The following CALN1 variants were observed in gnomAD, a reference collection of about 807,000 sequenced individuals.
The protein encoded by CALN1 is calcium-binding protein 8.
Under a neutral mutation model 30.6 loss-of-function variants are expected in CALN1, and 17 were observed. That is an observed-to-expected ratio of 0.56 (90% CI 0.38 to 0.83). The LOEUF is 0.83. Ranked by LOEUF, CALN1 falls within the 40% of genes least tolerant of loss-of-function variation. The probability of loss-of-function intolerance (pLI) is 0.00; values close to 1 mark genes in which losing one functional copy is unlikely to be tolerated. For synonymous variants in CALN1, 156 were observed against 131.4 expected, an observed-to-expected ratio of 1.19 and a Z score of -1.28; for missense variants, 291 against 354.9, an observed-to-expected ratio of 0.82 and a Z score of 1.45.
chr7:72,356,308 A>C (rs186796554), intron 2 of CALN1, among the ~76,000 whole-genome samples: 1 of 150,354 alleles, frequency 6.7e-6, no homozygotes, highest in East Asian at 1.9e-4. Flanking sequence ...TTTTAATCTA[A>C]TAATAATAAA....
intron 2 of CALN1, among the ~76,000 whole-genome samples, chr7:72,342,571 A>G (rs1288260779): frequency 6.6e-6 from 1 of 152,196 alleles, no homozygotes; most frequent in Non-Finnish European, 1.5e-5. Context: ...ATTTAGCATA[A>G]GTTCTCTCTC....
chr7:72,294,743 A>T (rs929558216), intron 2 of CALN1, among the ~76,000 whole-genome samples: 1 of 117,316 alleles, frequency 8.5e-6, no homozygotes, highest in Non-Finnish European at 1.9e-5. Flanking sequence ...GACTGTCTCT[A>T]AAAAAGTAAT....
intron 3 of CALN1, among the ~76,000 whole-genome samples, chr7:72,236,344 G>C (rs1163508995): frequency 6.6e-6 from 1 of 152,152 alleles, no homozygotes; most frequent in Non-Finnish European, 1.5e-5. Flanking sequence ...GAAATTCTCA[G>C]TGTTCAGAGC....
At chr7:71,988,451 G>A (rs111406161) in intron 5 of CALN1, among the ~76,000 whole-genome samples, 5 of 152,244 alleles carry the variant, frequency 3.3e-5, no homozygotes, top group African/African-American at 1.2e-4. Flanking sequence ...GGTGCCCCAA[G>A]CCCACAGTCA....
At chr7:72,075,860 G>A (rs545719906) in intron 4 of CALN1, among the ~76,000 whole-genome samples, 52 of 152,272 alleles carry the variant, frequency 3.4e-4, no homozygotes, top group African/African-American at 1.2e-3. Context: ...CTAAACAGCA[G>A]AGAGAACAAA....
At chr7:72,208,790 T>C (rs985521566) in intron 3 of CALN1, among the ~76,000 whole-genome samples, 2 of 152,158 alleles carry the variant, frequency 1.3e-5, no homozygotes, top group African/African-American at 4.8e-5. Context: ...CAATAGACCA[T>C]TTTGTTCCTT....
chr7:71,915,929 A>C (rs1316378845), intron 5 of CALN1, among the ~76,000 whole-genome samples: 2 of 152,178 alleles, frequency 1.3e-5, no homozygotes, highest in African/African-American at 4.8e-5. Flanking sequence ...ACATGTGTCT[A>C]GCAGCTAAAA....
chr7:71,976,899 C>A (rs1440010183), intron 5 of CALN1, among the ~76,000 whole-genome samples: 2 of 152,138 alleles, frequency 1.3e-5, no homozygotes, highest in Non-Finnish European at 2.9e-5. Flanking sequence ...GCACGTGCAA[C>A]CCGTGAGCTA....
intron 5 of CALN1, among the ~76,000 whole-genome samples, chr7:71,905,027 C>T (rs760949254): frequency 3.8e-4 from 58 of 152,150 alleles, no homozygotes; most frequent in Non-Finnish European, 6.9e-4. Context: ...CAACCTCTGC[C>T]TCCCAGGTTC....
At chr7:72,227,142 G>T (rs1298669830) in intron 3 of CALN1, among the ~76,000 whole-genome samples, 1 of 152,006 alleles carries the variant, frequency 6.6e-6, no homozygotes, top group Non-Finnish European at 1.5e-5. Context: ...CGCTACCTGG[G>T]CGACAGTTTC....
intron 4 of CALN1, among the ~76,000 whole-genome samples, chr7:72,092,781 C>T (rs1424050497): frequency 6.6e-6 from 1 of 152,108 alleles, no homozygotes. Flanking sequence ...ATGTGACTTG[C>T]TTTAGCCAGT....
chr7:72,411,037 T>C (rs1467565821), intron 1 of CALN1, among the ~76,000 whole-genome samples: 1 of 152,134 alleles, frequency 6.6e-6, no homozygotes, highest in Non-Finnish European at 1.5e-5. Flanking sequence ...AATAGGTGAA[T>C]TTAGTAAAGC....
At chr7:71,923,804 C>T (rs1795109611) in intron 5 of CALN1, among the ~76,000 whole-genome samples, 1 of 152,106 alleles carries the variant, frequency 6.6e-6, no homozygotes, top group African/African-American at 2.4e-5. Context: ...CAGTGTTCCC[C>T]TCCCTGTGGC....
In CALN1 at chr7:72,201,172, G is replaced by C. The variant is rs182101464; in HGVS notation, c.244+77514C>G. On this transcript the variant is annotated intron_variant, in intron 3 of 6. Coordinates refer to ENST00000395275, the MANE Select transcript of CALN1 (RefSeq NM_031468.4). ...CCATTATCCTAAGTGAATTAACTCA[G>C]GAACAGAAAACCAAATGCTGCATAT... Among the ~76,000 whole-genome samples, 332 of 152,216 alleles carry C rather than the reference G, an allele frequency of 2.2e-3. 4 individuals are homozygous for C. The South Asian group carries it at 0.026, about 12-fold the overall frequency.
At chr7:72,431,311 C>A (rs1807969241) in intron 1 of CALN1, among the ~76,000 whole-genome samples, 1 of 152,058 alleles carries the variant, frequency 6.6e-6, no homozygotes, top group South Asian at 2.1e-4. Flanking sequence ...TTATGAGGAA[C>A]TCCAACATGA....
chr7:72,116,929 A>G (rs1316381144), intron 3 of CALN1, among the ~76,000 whole-genome samples: 1 of 152,192 alleles, frequency 6.6e-6, no homozygotes, highest in Non-Finnish European at 1.5e-5. Flanking sequence ...AGGAATTATA[A>G]GCGAAGACAT....
At chr7:72,338,952 AC>A (rs1369909514) in intron 2 of CALN1, among the ~76,000 whole-genome samples, 2 of 117,364 alleles carry the variant, frequency 1.7e-5, no homozygotes, top group African/African-American at 3.3e-5. Flanking sequence ...CAACCTCCTC[AC>A]CCCCCACCCA....
At chr7:72,273,052 C>T (rs1274620441) in intron 3 of CALN1, among the ~76,000 whole-genome samples, 3 of 151,854 alleles carry the variant, frequency 2.0e-5, no homozygotes, top group African/African-American at 7.3e-5. Flanking sequence ...CCACCGAGAC[C>T]CCCACCTCTG....
At chr7:72,328,919 A>T (rs1801469619) in intron 2 of CALN1, among the ~76,000 whole-genome samples, 1 of 151,420 alleles carries the variant, frequency 6.6e-6, no homozygotes, top group South Asian at 2.1e-4. Flanking sequence ...CTGGTCTTGA[A>T]CTCCTGACCT....
Sources: allele counts gnomAD v4.1 joint callset (sites outside exome capture counted in the v4.1 genomes callset), GRCh38; gene constraint gnomAD v4.1.1; transcripts MANE v1.5; gene names NCBI Gene and HGNC (gene_info 2026-07-23, HGNC 2026-07-21).